The following ZNF516 variants were observed in gnomAD, a reference collection of about 807,000 sequenced individuals.
ZNF516 encodes zinc finger protein 516.
In ZNF516, 19 loss-of-function variants were observed where a neutral mutation model predicts 79.7. The ratio of observed to expected loss-of-function variants is 0.24; its 90% confidence interval spans 0.17 to 0.35. The LOEUF (loss-of-function observed/expected upper bound fraction) is 0.35. ZNF516 is among the 10% of genes least tolerant of loss of function. ZNF516 has a pLI of 1.00. For synonymous variants in ZNF516, 877 were observed against 739.5 expected, an observed-to-expected ratio of 1.19 and a Z score of -3.02; for missense variants, 1,678 against 1,679.5, an observed-to-expected ratio of 1.00 and a Z score of 0.02.
At chr18:76,439,079 C>T (rs571043434) in intron 3 of ZNF516, among the ~76,000 whole-genome samples, 24 of 152,308 alleles carry the variant, frequency 1.6e-4, no homozygotes, top group African/African-American at 5.5e-4. Context: ...GAAAGGAATG[C>T]TGCAGATTTA....
intron 1 of ZNF516, among the ~76,000 whole-genome samples, chr18:76,471,478 T>A (rs951542569): frequency 7.9e-5 from 12 of 152,120 alleles, no homozygotes; most frequent in Non-Finnish European, 1.5e-4. Context: ...GTTTTTCCCA[T>A]CTGTGAAATG....
intron 3 of ZNF516, among the ~76,000 whole-genome samples, chr18:76,408,481 C>T (rs999705306): frequency 1.3e-5 from 2 of 152,194 alleles, no homozygotes; most frequent in African/African-American, 2.4e-5. Context: ...TGGTATAGCT[C>T]GGAAAGTACA....
intron 3 of ZNF516, among the ~76,000 whole-genome samples, chr18:76,438,137 A>G (rs1372801228): frequency 6.6e-6 from 1 of 152,252 alleles, no homozygotes; most frequent in Non-Finnish European, 1.5e-5. Flanking sequence ...CCTGGGCACC[A>G]GGCATCCCAG....
At chr18:76,480,896 T>G (rs1028123817) in intron 1 of ZNF516, among the ~76,000 whole-genome samples, 15 of 152,226 alleles carry the variant, frequency 9.9e-5, no homozygotes, top group Non-Finnish European at 1.8e-4. Flanking sequence ...GTGAATGGCA[T>G]GGAACTCAAA....
chr18:76,491,613 C>T (rs1305165528), intron 1 of ZNF516: 4 of 396,960 alleles, frequency 1.0e-5, no homozygotes, highest in East Asian at 2.1e-4. Flanking sequence ...CTTCTCCGCC[C>T]CTTCCCGCCC....
chr18:76,484,814 T>TA (rs1305756452), intron 1 of ZNF516, among the ~76,000 whole-genome samples: 2 of 152,262 alleles, frequency 1.3e-5, no homozygotes, highest in Non-Finnish European at 2.9e-5. Flanking sequence ...CCTTACTTTC[T>TA]AAAGTTCAAA....
intron 3 of ZNF516, among the ~76,000 whole-genome samples, chr18:76,407,176 G>A (rs983577566): frequency 1.3e-5 from 2 of 152,088 alleles, no homozygotes; most frequent in Non-Finnish European, 1.5e-5. Flanking sequence ...CACTCTGGAA[G>A]GCCAAGGCAG....
intron 1 of ZNF516, chr18:76,492,666 C>G (rs1025301395): frequency 3.1e-6 from 3 of 962,774 alleles, no homozygotes; most frequent in South Asian, 9.6e-5. Context: ...GGCGCGCGTG[C>G]CCAGGCACCA....
intron 3 of ZNF516, among the ~76,000 whole-genome samples, chr18:76,438,193 C>T (rs1239223061): frequency 6.6e-6 from 1 of 152,238 alleles, no homozygotes; most frequent in Non-Finnish European, 1.5e-5. Flanking sequence ...GCAAATCTTC[C>T]AGAGATGTGC....
chr18:76,420,351 C>T (rs2145369467), intron 3 of ZNF516, among the ~76,000 whole-genome samples: 1 of 152,318 alleles, frequency 6.6e-6, no homozygotes, highest in Non-Finnish European at 1.5e-5. Flanking sequence ...GCTCTCTACC[C>T]CCGGCCCTCA....
chr18:76,487,943 G>A, intron 1 of ZNF516: 7 of 985,414 alleles, frequency 7.1e-6, no homozygotes, highest in Non-Finnish European at 8.4e-6. Context: ...GAAGGGAACA[G>A]CTACACTGTC....
rs746459467 is a variant in ZNF516 at position 76,443,051 on chromosome 18, C to G, written c.4G>C (p.Asp2His). Residue 2 changes from aspartate (D) to histidine (H), a missense_variant, in exon 3 of 7, where the codon GAT (aspartate) becomes CAT (histidine). Physicochemically the swap from Asp to His is moderately conservative, Grantham distance 81. Coordinates refer to ENST00000443185, the MANE Select transcript of ZNF516 (RefSeq NM_014643.4). M[D>H]RNREAEMELR... ...TCCATCTCGGCCTCTCTGTTGCGAT[C>G]CATCCGAAGGACGGGCGCGGCCGGT... 2 of 1,587,348 alleles carry G rather than the reference C, an allele frequency of 1.3e-6. No individual in the cohort carries two copies.
chr18:76,446,573 C>T (rs970274054), intron 2 of ZNF516, among the ~76,000 whole-genome samples: 1 of 152,214 alleles, frequency 6.6e-6, no homozygotes, highest in Admixed American at 6.5e-5. Context: ...CCGGTACCCC[C>T]GCCCTAGCTA....
Position 76,491,010 on chromosome 18 carries a change from G to GCCCACCGCCAACT in ZNF516, c.-272+4121_-272+4133dup, listed in dbSNP as rs1412919150. Reference sequence around the variant, plus strand: ...CTCGCGAGGCGCCCCAAGCCCGGGTGCCCACCGCCAACTCCCACCCCAAAT... The same window carrying GCCCACCGCCAACT: ...CTCGCGAGGCGCCCCAAGCCCGGGTGCCCACCGCCAACTCCCACCGCCAACTCCCACCCCAAAT... On this transcript the variant is annotated intron_variant, in intron 1 of 6. Coordinates refer to ENST00000443185, the MANE Select transcript of ZNF516 (RefSeq NM_014643.4). 1.2e-5 allele frequency: 12 copies of GCCCACCGCCAACT among 985,370 alleles called. No individual in the cohort carries two copies. The East Asian group carries it at 1.1e-3, about 93-fold the overall frequency. 61.0% of individuals were successfully genotyped at this position (985,370 alleles called of 1,614,324 possible). A position where few individuals can be genotyped will look rare whatever the true frequency, so the allele number is the denominator to read the frequency against.
Position 76,441,456 on chromosome 18 carries a change from G to A in ZNF516, c.1599C>T (p.His533=), listed in dbSNP as rs1265151662. The change falls in exon 3 of 7, where the codon CAC becomes CAT. Residue 533 remains histidine, a synonymous_variant. Coordinates refer to ENST00000443185, the MANE Select transcript of ZNF516 (RefSeq NM_014643.4). The part of the protein sequence containing the change: ...IFRTYHQMVL[H]SRVHRRARRE... ...GGCGCGCGCGGCGATGCACGCGTGA[G>A]TGCAGCACCATCTGATGATAGGTGC... The A allele has an allele frequency of 1.9e-6, 3 of 1,605,778 alleles. No homozygotes were observed. Among genetic ancestry groups the A allele is most frequent in the South Asian group, 1.1e-5 (1 of 90,316 alleles).
In ZNF516 at chr18:76,451,311, CG is replaced by C. The variant is rs879912532; in HGVS notation, c.-157-8101del. On this transcript the variant is annotated intron_variant, in intron 2 of 6. Coordinates refer to ENST00000443185, the MANE Select transcript of ZNF516 (RefSeq NM_014643.4). This position sits in a 1 kb window ranked among gnomAD's most constrained non-coding sequence, Gnocchi z 6.0. ...GTCCTCTCTGACCACCTTCCGGGGGCGGGGGGGGCACCGATGTCAGCCCGGG... is the reference window on the plus strand; with the variant it reads ...GTCCTCTCTGACCACCTTCCGGGGGCGGGGGGGCACCGATGTCAGCCCGGG... 1.9e-4 allele frequency among the ~76,000 whole-genome samples: 29 copies of C among 151,518 alleles called. No individual in the cohort carries two copies. Among genetic ancestry groups the C allele is most frequent in the East Asian group, 1.6e-3 (8 of 5,152 alleles).
chr18:76,362,428 G>A lies in ZNF516; in HGVS notation c.*70C>T, dbSNP rs2074552735. ...GGAGCGGCCAGGTCACAGGTGGGAG[G>A]CTGCTGGGACATCGTGAGGGTACTG... On this transcript the variant is annotated 3_prime_UTR_variant, in exon 7 of 7. Coordinates refer to ENST00000443185, the MANE Select transcript of ZNF516 (RefSeq NM_014643.4). The A allele has an allele frequency of 1.3e-6, 2 of 1,501,874 alleles. No individual in the cohort carries two copies. Among genetic ancestry groups the A allele is most frequent in the Non-Finnish European group, 9.2e-7 (1 of 1,089,860 alleles). The allele number at this position is 1,501,874 out of a possible 1,614,324, so 93.0% of individuals were successfully genotyped here. A position where few individuals can be genotyped will look rare whatever the true frequency, so the allele number is the denominator to read the frequency against.
At chr18:76,448,248 GTCTT>G (rs757083318) in intron 2 of ZNF516, among the ~76,000 whole-genome samples, 4 of 152,002 alleles carry the variant, frequency 2.6e-5, no homozygotes, top group South Asian at 2.1e-4. Flanking sequence ...TCTTTTCCTT[GTCTT>G]TCTTTTTTTG....
At chr18:76,370,401 T>C in intron 6 of ZNF516, 127 bp downstream of exon 6, 2 of 917,716 alleles carry the variant, frequency 2.2e-6, no homozygotes, top group South Asian at 3.7e-5. Flanking sequence ...AGTCAAAGCA[T>C]ATAGGATTAT....
Sources: gnomAD v4.1 joint callset for allele counts (sites outside exome capture counted in the v4.1 genomes callset) on GRCh38, gnomAD v4.1.1 for gene constraint, Gnocchi (gnomAD v3.1) non-coding constraint, MANE v1.5 for transcripts, NCBI Gene and HGNC (gene_info 2026-07-23, HGNC 2026-07-21) for gene names.